Variants in OLA1 observed in about 807,000 individuals in gnomAD.
OLA1 encodes the protein obg-like ATPase 1.
OLA1 carries 14 observed loss-of-function variants against 48.4 expected under a neutral mutation model. The observed-to-expected ratio is 0.29, with a 90% CI of 0.19 to 0.45. The LOEUF is 0.45. Among genes scored for constraint, OLA1 ranks in the 20% least tolerant of loss-of-function variants. The pLI, the probability that OLA1 is intolerant of heterozygous loss-of-function variation, is 1.00. For missense variants in OLA1, 325 were observed against 467.1 expected (o/e 0.70, Z 2.80); for synonymous variants, 127 against 150.4 (o/e 0.84, Z 1.14).
At chr2:174,165,758 G>A (rs1037403978) in intron 4 of OLA1, among the ~76,000 whole-genome samples, 40 of 152,110 alleles carry the variant, frequency 2.6e-4, no homozygotes, top group African/African-American at 9.4e-4. Flanking sequence ...GAGACAAAAA[G>A]AAACACACTT....
At chr2:174,183,121 T>G (rs1164513012) in intron 4 of OLA1, among the ~76,000 whole-genome samples, 1 of 152,026 alleles carries the variant, frequency 6.6e-6, no homozygotes, top group Non-Finnish European at 1.5e-5. Flanking sequence ...AAAAAAATGG[T>G]CAATCTTGGC....
chr2:174,104,661 TA>T (rs1487937812), intron 7 of OLA1, among the ~76,000 whole-genome samples: 3 of 152,190 alleles, frequency 2.0e-5, no homozygotes, highest in African/African-American at 7.2e-5. Context: ...TGTTTTAAAA[TA>T]AATCTTAAAT....
rs759467104 is a variant in OLA1, at chr2:174,078,951, T to C, written c.1089+17A>G. On this transcript the variant is annotated intron_variant, in intron 10 of 10. Transcript: ENST00000284719. ...GTGGAAACATTGTGAAATACAAAAA[T>C]AAAAACAATTCTTTACCTTGACTGC... is the stretch of plus-strand genomic sequence containing the variant. 3 of 1,589,812 alleles carry C rather than the reference T, an allele frequency of 1.9e-6. No individual in the cohort carries two copies. In the South Asian group the frequency reaches 3.5e-5, roughly 18 times the overall value.
At chr2:174,083,525 T>C (rs574393993) in intron 7 of OLA1, among the ~76,000 whole-genome samples, 9 of 152,144 alleles carry the variant, frequency 5.9e-5, no homozygotes, top group Non-Finnish European at 1.0e-4. Context: ...CTATGATTTA[T>C]GTTGCCTTTA....
chr2:174,145,219 T>TTAC (rs1686565970), intron 4 of OLA1, among the ~76,000 whole-genome samples: 1 of 151,854 alleles, frequency 6.6e-6, no homozygotes, highest in Non-Finnish European at 1.5e-5. Flanking sequence ...AATGTAGGAA[T>TTAC]TACTAATTTA....
At chr2:174,214,353 A>G (rs12329272) in intron 4 of OLA1, among the ~76,000 whole-genome samples, 16,694 of 152,146 alleles carry the variant, frequency 0.11, 1,350 homozygotes, top group African/African-American at 0.22. Context: ...ATAAATAAAC[A>G]GTACTAACTA....
intron 7 of OLA1, among the ~76,000 whole-genome samples, chr2:174,088,541 C>A (rs1685033403): frequency 6.6e-6 from 1 of 152,162 alleles, no homozygotes. Context: ...CTTCAAAATT[C>A]TTTGAATAAA....
chr2:174,181,536 G>A (rs1456190216), intron 4 of OLA1, among the ~76,000 whole-genome samples: 1 of 152,152 alleles, frequency 6.6e-6, no homozygotes, highest in Admixed American at 6.5e-5. Flanking sequence ...TATGACAGAG[G>A]GAAGCAGATT....
intron 4 of OLA1, among the ~76,000 whole-genome samples, chr2:174,168,074 T>C (rs190633846): frequency 3.6e-4 from 55 of 152,312 alleles, no homozygotes; most frequent in African/African-American, 1.3e-3. Flanking sequence ...TGAAGGAAAT[T>C]CATCTTTTCA....
Position 174,172,989 on chromosome 2 carries a change from C to G in OLA1, c.374-30989G>C, listed in dbSNP as rs142724392. ...CTAGCCATGTGATATGCCGCCTCCC[C>G]CTTTGCCTTCTGCCATGACTCTAAG... On this transcript the variant is annotated intron_variant, in intron 4 of 10. Coordinates refer to ENST00000284719, the MANE Select transcript of OLA1 (RefSeq NM_013341.5). Among the ~76,000 whole-genome samples, 114 of 152,272 alleles carry G rather than the reference C, an allele frequency of 7.5e-4. 1 individual carries two copies. The highest frequency in any genetic ancestry group is 1.5e-3 in the Non-Finnish European group (101 of 68,010).
intron 2 of OLA1, among the ~76,000 whole-genome samples, chr2:174,245,627 C>T (rs1297768084): frequency 6.6e-6 from 1 of 152,198 alleles, no homozygotes; most frequent in Non-Finnish European, 1.5e-5. Flanking sequence ...AGTGCAGTGG[C>T]TCACACCTGT....
chr2:174,102,777 A>AT (rs1279525999), intron 7 of OLA1, among the ~76,000 whole-genome samples: 1 of 152,166 alleles, frequency 6.6e-6, no homozygotes, highest in East Asian at 1.9e-4. Flanking sequence ...GATTGGTATC[A>AT]TTTGTCTACA....
intron 7 of OLA1, among the ~76,000 whole-genome samples, chr2:174,099,094 T>A (rs1417658551): frequency 6.6e-6 from 1 of 152,078 alleles, no homozygotes; most frequent in Admixed American, 6.5e-5. Context: ...GCAAATACCA[T>A]ACAAGAAATA....
chr2:174,235,709 T>C (rs1345256543), intron 2 of OLA1, among the ~76,000 whole-genome samples: 2 of 152,238 alleles, frequency 1.3e-5, no homozygotes, highest in Non-Finnish European at 2.9e-5. Context: ...TGGGAGAGTA[T>C]ACTAGAAAGG....
At chr2:174,104,444 T>A (rs1685468669) in intron 7 of OLA1, among the ~76,000 whole-genome samples, 1 of 152,046 alleles carries the variant, frequency 6.6e-6, no homozygotes, top group Non-Finnish European at 1.5e-5. Flanking sequence ...AGAATAAATA[T>A]TAGAAAGAGT....
At chr2:174,084,646 G>GA (rs1046435565) in intron 7 of OLA1, among the ~76,000 whole-genome samples, 1 of 152,232 alleles carries the variant, frequency 6.6e-6, no homozygotes, top group Admixed American at 6.5e-5. Context: ...ACCCCATGGG[G>GA]ACCAGTTACC....
chr2:174,209,176 TTA>T (rs1688184253), intron 4 of OLA1, among the ~76,000 whole-genome samples: 1 of 152,220 alleles, frequency 6.6e-6, no homozygotes, highest in Admixed American at 6.5e-5. Flanking sequence ...ATCACCCATC[TTA>T]TAGTCTTCTT....
At chr2:174,150,126 A>C (rs528171723) in intron 4 of OLA1, among the ~76,000 whole-genome samples, 1 of 152,234 alleles carries the variant, frequency 6.6e-6, no homozygotes, top group Non-Finnish European at 1.5e-5. Context: ...CCAATGCAGC[A>C]GTGTTGAGAA....
At chr2:174,173,565 T>C (rs1276238556) in intron 4 of OLA1, among the ~76,000 whole-genome samples, 1 of 152,144 alleles carries the variant, frequency 6.6e-6, no homozygotes, top group Admixed American at 6.5e-5. Context: ...TGATTTTTTT[T>C]ATAAGTCAAA....
Sources: gnomAD v4.1 joint callset for allele counts (sites outside exome capture counted in the v4.1 genomes callset) on GRCh38, gnomAD v4.1.1 for gene constraint, MANE v1.5 for transcripts, NCBI Gene and HGNC (gene_info 2026-07-23, HGNC 2026-07-21) for gene names.